Variants in SGPP2 observed in about 807,000 individuals in gnomAD.
SGPP2 encodes sphingosine-1-phosphate phosphatase 2.
A neutral mutation model predicts 33.9 loss-of-function variants in SGPP2; 30 were observed. The ratio of observed to expected loss-of-function variants is 0.89; its 90% confidence interval spans 0.66 to 1.20. SGPP2 has a LOEUF of 1.20. Ranked by LOEUF, SGPP2 falls within the 50% of genes most tolerant of loss-of-function variation. The pLI is 0.00. For synonymous variants in SGPP2, 233 were observed against 225.0 expected, an observed-to-expected ratio of 1.04 and a Z score of -0.32; for missense variants, 458 against 532.1, an observed-to-expected ratio of 0.86 and a Z score of 1.37.
chr2:222,505,381 G>C (rs180861383), intron 2 of SGPP2, among the ~76,000 whole-genome samples: 6 of 152,226 alleles, frequency 3.9e-5, no homozygotes, highest in Middle Eastern at 3.4e-3. Flanking sequence ...CATCTTGGAT[G>C]GAATATACAG....
chr2:222,488,268 G>A (rs968475343), intron 2 of SGPP2, among the ~76,000 whole-genome samples: 1 of 152,174 alleles, frequency 6.6e-6, no homozygotes, highest in Non-Finnish European at 1.5e-5. Flanking sequence ...CCATGGACTG[G>A]TACTGTAGCC....
chr2:222,508,533 A>G (rs1412683123), intron 2 of SGPP2, among the ~76,000 whole-genome samples: 1 of 152,206 alleles, frequency 6.6e-6, no homozygotes, highest in Non-Finnish European at 1.5e-5. Context: ...GTCAGTTATT[A>G]TTTAACCCAA....
chr2:222,517,071 C>T (rs1189106016), intron 2 of SGPP2, among the ~76,000 whole-genome samples: 1 of 152,196 alleles, frequency 6.6e-6, no homozygotes, highest in Non-Finnish European at 1.5e-5. Context: ...CCAAGCCTTT[C>T]CTCTGGCTGT....
At position 222,442,305 on chromosome 2, in the gene SGPP2, G is replaced by A. The variant is rs115471420; in HGVS notation, c.219+17484G>A. 7.2e-3 allele frequency among the ~76,000 whole-genome samples: 1,102 copies of A among 152,272 alleles called. 13 individuals carry two copies. The highest frequency in any genetic ancestry group is 0.023 in the African/African-American group (943 of 41,556). ...AGCTATTTACTCACTTGCAGGCAAC[G>A]TCTTGGGCATGCTTTTTGTTGGATC... On this transcript the variant is annotated intron_variant, in intron 1 of 4. Coordinates refer to ENST00000321276, the MANE Select transcript of SGPP2 (RefSeq NM_152386.4).
rs72966731 is a variant in SGPP2, at chr2:222,460,234, C to A, written c.220-14334C>A. On this transcript the variant is annotated intron_variant, in intron 1 of 4. Transcript: ENST00000321276. This position sits in a 1 kb window ranked among gnomAD's most constrained non-coding sequence, Gnocchi z 4.3. Reference sequence around the variant, plus strand: ...TTGCTAAATAACTGTATCATCAGATCCCACATGGCAGCGCCAAGGCCAAAC... The same window carrying A: ...TTGCTAAATAACTGTATCATCAGATACCACATGGCAGCGCCAAGGCCAAAC... Among the ~76,000 whole-genome samples the A allele has an allele frequency of 6.6e-6, 1 of 152,020 alleles. No homozygotes were observed. Among genetic ancestry groups the A allele is most frequent in the East Asian group, 1.9e-4 (1 of 5,196 alleles).
At chr2:222,526,569 T>G (rs1260012928) in intron 4 of SGPP2, among the ~76,000 whole-genome samples, 1 of 152,228 alleles carries the variant, frequency 6.6e-6, no homozygotes. Flanking sequence ...TTCTCTGGCA[T>G]CTCTTTTTAT....
intron 1 of SGPP2, among the ~76,000 whole-genome samples, chr2:222,469,215 G>A (rs796614291): frequency 6.6e-5 from 10 of 151,998 alleles, no homozygotes; most frequent in African/African-American, 2.4e-4. Context: ...ACGGAGTCTC[G>A]CTCTGTCACC....
At chr2:222,507,106 G>T (rs189684590) in intron 2 of SGPP2, among the ~76,000 whole-genome samples, 4 of 152,174 alleles carry the variant, frequency 2.6e-5, no homozygotes, top group Non-Finnish European at 2.9e-5. Context: ...AAATTTTAAA[G>T]AACTAGTCAT....
At chr2:222,502,067 G>A (rs1002315928) in intron 2 of SGPP2, among the ~76,000 whole-genome samples, 3 of 152,092 alleles carry the variant, frequency 2.0e-5, no homozygotes, top group Admixed American at 1.3e-4. Context: ...CCATTTGTTA[G>A]GCACACTCAT....
intron 2 of SGPP2, among the ~76,000 whole-genome samples, chr2:222,514,095 AT>A (rs1157081223): frequency 5.9e-5 from 9 of 152,280 alleles, no homozygotes; most frequent in African/African-American, 1.9e-4. Flanking sequence ...TACACATACA[AT>A]TTTTTAAATA....
At chr2:222,527,535 C>T (rs1201238165) in intron 4 of SGPP2, among the ~76,000 whole-genome samples, 3 of 152,120 alleles carry the variant, frequency 2.0e-5, no homozygotes, top group African/African-American at 7.2e-5. Context: ...TGGTTGAGAG[C>T]CATTATAAAA....
At chr2:222,458,424 C>G (rs1697604783) in intron 1 of SGPP2, among the ~76,000 whole-genome samples, 1 of 152,096 alleles carries the variant, frequency 6.6e-6, no homozygotes, top group South Asian at 2.1e-4. Flanking sequence ...GCCAGGACAG[C>G]AGAGCAGTTA....
chr2:222,457,276 G>A (rs1697587319), intron 1 of SGPP2, among the ~76,000 whole-genome samples: 1 of 151,882 alleles, frequency 6.6e-6, no homozygotes, highest in Non-Finnish European at 1.5e-5. Context: ...AAAACTTCCT[G>A]TATTATTTTG....
At chr2:222,427,031 T>C (rs1050554257) in intron 1 of SGPP2, among the ~76,000 whole-genome samples, 1 of 152,252 alleles carries the variant, frequency 6.6e-6, no homozygotes, top group African/African-American at 2.4e-5. Flanking sequence ...CCCCCTGCTA[T>C]AGTTTTTCTT....
intron 4 of SGPP2, among the ~76,000 whole-genome samples, chr2:222,554,278 C>G (rs1028639992): frequency 3.3e-5 from 5 of 152,190 alleles, no homozygotes; most frequent in Non-Finnish European, 7.3e-5. Flanking sequence ...ATGCACTGTT[C>G]TGCACCTTGC....
chr2:222,468,153 A>T (rs1459538433), intron 1 of SGPP2, among the ~76,000 whole-genome samples: 1 of 151,926 alleles, frequency 6.6e-6, no homozygotes, highest in African/African-American at 2.4e-5. Flanking sequence ...TGATTTTCAG[A>T]TTGATTACTG....
intron 3 of SGPP2, among the ~76,000 whole-genome samples, chr2:222,524,336 A>C (rs2106135832): frequency 6.6e-6 from 1 of 152,340 alleles, no homozygotes; most frequent in East Asian, 1.9e-4. Context: ...TCTAGCTTAT[A>C]AGCAGAGTAT....
chr2:222,438,791 G>C (rs1279306878), intron 1 of SGPP2, among the ~76,000 whole-genome samples: 1 of 152,202 alleles, frequency 6.6e-6, no homozygotes, highest in Non-Finnish European at 1.5e-5. Flanking sequence ...AGTCCATGAT[G>C]GTGGCACTAA....
Position 222,550,233 on chromosome 2 carries a change from T to C in SGPP2, c.649-8114T>C, listed in dbSNP as rs115633894. On this transcript the variant is annotated intron_variant, in intron 4 of 4. Transcript: ENST00000321276. The surrounding 1 kb of genome is among the most constrained non-coding windows in gnomAD (Gnocchi z 4.5). ...TCATGGAGGAATGGTATATTGCTTATCATATAGATTCTTAGGGATATTTCT... is the reference window on the plus strand; with the variant it reads ...TCATGGAGGAATGGTATATTGCTTACCATATAGATTCTTAGGGATATTTCT... 9.2e-3 allele frequency among the ~76,000 whole-genome samples: 1,409 copies of C among 152,336 alleles called. 16 individuals are homozygous for C. The highest frequency in any genetic ancestry group is 0.027 in the African/African-American group (1,124 of 41,576).
Sources: allele counts gnomAD v4.1 joint callset (sites outside exome capture counted in the v4.1 genomes callset), GRCh38; gene constraint gnomAD v4.1.1; non-coding constraint Gnocchi (gnomAD v3.1); transcripts MANE v1.5; gene names NCBI Gene and HGNC (gene_info 2026-07-23, HGNC 2026-07-21).